The following GAB1 variants were observed in gnomAD, a reference collection of about 807,000 sequenced individuals.
The protein encoded by GAB1 is GRB2-associated-binding protein 1.
Under a neutral mutation model 66.5 loss-of-function variants are expected in GAB1, and 19 were observed. That is an observed-to-expected ratio of 0.29 (90% CI 0.20 to 0.42). GAB1 has a LOEUF of 0.42. Among genes scored for constraint, GAB1 ranks in the 10% least tolerant of loss-of-function variants. The probability of loss-of-function intolerance (pLI) is 1.00; values close to 1 mark genes in which losing one functional copy is unlikely to be tolerated. For synonymous variants in GAB1, 294 were observed against 301.4 expected (o/e 0.98, Z 0.25); for missense variants, 732 against 858.5 (o/e 0.85, Z 1.84).
At chr4:143,439,254 T>A (rs1482049551) in intron 4 of GAB1, among the ~76,000 whole-genome samples, 1 of 152,174 alleles carries the variant, frequency 6.6e-6, no homozygotes, top group Admixed American at 6.5e-5. Context: ...TCTGAGATTC[T>A]CAAAGTCCTA....
At chr4:143,424,195 G>C (rs1248805173) in intron 2 of GAB1, among the ~76,000 whole-genome samples, 1 of 152,160 alleles carries the variant, frequency 6.6e-6, no homozygotes, top group Non-Finnish European at 1.5e-5. Context: ...TTCATATAGG[G>C]AAGTATTTCC....
chr4:143,431,953 G>A (rs185238468), intron 2 of GAB1, among the ~76,000 whole-genome samples: 1,813 of 152,056 alleles, frequency 0.012, 28 homozygotes, highest in African/African-American at 0.042. Context: ...AAAAAAAAAA[G>A]GCCTCGCTTT....
rs1734036178 is a variant in GAB1 at position 143,438,249 on chromosome 4, G to A, written c.844G>A (p.Gly282Arg). 1 of 1,614,104 alleles carries A rather than the reference G, an allele frequency of 6.2e-7. No homozygotes were observed. Among genetic ancestry groups the A allele is most frequent in the Non-Finnish European group, 8.5e-7 (1 of 1,180,002 alleles). The stretch of plus-strand genomic sequence containing the variant: ...GTCTCCATCAAGTACTGAAGCAGAT[G>A]GAGAACTCTATGTTTTTAATACCCC... ...KVSPSSTEAD[G>R]ELYVFNTPSG... The change falls in exon 4 of 10, where the codon GGA becomes AGA. Residue 282 changes from glycine to arginine, a missense_variant. This residue lies in a region of GAB1 where 427 missense variants were observed against 420.6 expected (regional missense o/e 1.02). Transcript: ENST00000262994.
At chr4:143,369,061 C>A (rs1377231901) in intron 1 of GAB1, among the ~76,000 whole-genome samples, 2 of 151,976 alleles carry the variant, frequency 1.3e-5, no homozygotes, top group African/African-American at 2.4e-5. Context: ...AGCCTCAGCC[C>A]CCCGAGTAGC....
chr4:143,349,730 A>G lies in GAB1; in HGVS notation c.72+12470A>G. 2.5e-6 allele frequency: 4 copies of G among 1,585,246 alleles called. 1 individual carries two copies. Among genetic ancestry groups the G allele is most frequent in the Middle Eastern group, 2.0e-4 (1 of 4,984 alleles). On this transcript the variant is annotated intron_variant, in intron 1 of 9. Transcript: ENST00000262994. ...ATGGCGGTGGCCACCTCCTTGGAGC[A>G]CTTAACACCCAGACCGACGTGGCCA...
chr4:143,398,266 A>G (rs1040522927), intron 1 of GAB1, among the ~76,000 whole-genome samples: 3 of 152,220 alleles, frequency 2.0e-5, no homozygotes, highest in Non-Finnish European at 4.4e-5. Context: ...GGGTGTTAAA[A>G]TGGTAATTAA....
intron 1 of GAB1, among the ~76,000 whole-genome samples, chr4:143,411,370 A>G (rs1447327397): frequency 6.6e-6 from 1 of 152,240 alleles, no homozygotes; most frequent in Non-Finnish European, 1.5e-5. Context: ...GCTACAAAAT[A>G]AGTTTTTACA....
chr4:143,339,604 GA>G (rs1728763040), intron 1 of GAB1, among the ~76,000 whole-genome samples: 2 of 152,234 alleles, frequency 1.3e-5, no homozygotes. Context: ...GTGGACTATG[GA>G]TCAGGTGCAC....
chr4:143,366,122 C>T (rs1460175748), intron 1 of GAB1, among the ~76,000 whole-genome samples: 1 of 152,194 alleles, frequency 6.6e-6, no homozygotes, highest in Non-Finnish European at 1.5e-5. Context: ...AGTCAGATTT[C>T]TGTTTAAATC....
In GAB1 at chr4:143,460,484, C is replaced by A. The variant is rs1355915722; in HGVS notation, c.1800C>A (p.Asp600Glu). The change falls in exon 8 of 10, where the codon GAC becomes GAA. Residue 600 changes from aspartate to glutamate, a missense_variant. Asp to Glu is a conservative substitution (Grantham distance 45). This residue lies in a region of GAB1 where 204 missense variants were observed against 276.8 expected (regional missense o/e 0.74). Coordinates refer to ENST00000262994, the MANE Select transcript of GAB1 (RefSeq NM_002039.4). ...TGAACCCAAACCTGTCCAGTGAAGA[C>A]CCAGTATGTAAAGTTTTAACTTTTC... ...VPMNPNLSSEDPNLFGSNSLD... is the reference protein window; with the variant it reads ...VPMNPNLSSEEPNLFGSNSLD... 5 of 1,613,234 alleles carry A rather than the reference C, an allele frequency of 3.1e-6. No individual in the cohort carries two copies. The African/African-American group carries it at 4.0e-5, about 13-fold the overall frequency.
At chr4:143,438,659 G>C in intron 4 of GAB1, 59 bp downstream of exon 4, 2 of 1,527,878 alleles carry the variant, frequency 1.3e-6, no homozygotes, top group South Asian at 2.5e-5. Context: ...CGATTTTTCT[G>C]AATATTTGTT....
chr4:143,421,547 T>C (rs1174949985), intron 2 of GAB1, among the ~76,000 whole-genome samples: 2 of 152,120 alleles, frequency 1.3e-5, no homozygotes, highest in South Asian at 2.1e-4. Flanking sequence ...TACATTCTCA[T>C]CAATGTTTGA....
chr4:143,349,632 G>A (rs1369376740), intron 1 of GAB1: 3 of 1,467,276 alleles, frequency 2.0e-6, no homozygotes. Context: ...TGTGGGGCTT[G>A]CCGATCTTGT....
chr4:143,425,443 C>T, intron 2 of GAB1: 2 of 759,770 alleles, frequency 2.6e-6, no homozygotes, highest in South Asian at 1.3e-5. Flanking sequence ...ACCAGCCTCT[C>T]ATAGAGAGAG....
At chr4:143,370,768 A>T (rs974729922) in intron 1 of GAB1, among the ~76,000 whole-genome samples, 1 of 152,126 alleles carries the variant, frequency 6.6e-6, no homozygotes, top group African/African-American at 2.4e-5. Flanking sequence ...CTCATTGTTC[A>T]GTTCCCACCT....
intron 6 of GAB1, among the ~76,000 whole-genome samples, chr4:143,452,746 C>T (rs944732499): frequency 6.6e-6 from 1 of 152,104 alleles, no homozygotes; most frequent in Admixed American, 6.5e-5. Flanking sequence ...TAGAAATTTC[C>T]CCAGTAGTCA....
chr4:143,470,759 A>G lies in GAB1; in HGVS notation c.*1570A>G, dbSNP rs919848914. The G allele has an allele frequency of 1.3e-5, 2 of 152,240 alleles. No individual in the cohort carries two copies. Among genetic ancestry groups the G allele is most frequent in the African/African-American group, 4.8e-5 (2 of 41,474 alleles). 9.4% of individuals were successfully genotyped at this position (152,240 alleles called of 1,614,324 possible). On this transcript the variant is annotated 3_prime_UTR_variant, in exon 10 of 10. Transcript: ENST00000262994. ...TCAGACCTCTAACTGTTGCCTGAGT[A>G]CACAGATGTGCCCTGATTTCTGGCC...
chr4:143,427,010 G>A (rs946298732), intron 2 of GAB1, among the ~76,000 whole-genome samples: 1 of 152,116 alleles, frequency 6.6e-6, no homozygotes, highest in Non-Finnish European at 1.5e-5. Flanking sequence ...AGACCAGGAA[G>A]GATTAGGAAC....
intron 1 of GAB1, among the ~76,000 whole-genome samples, chr4:143,386,432 G>C (rs1197766549): frequency 6.6e-6 from 1 of 152,064 alleles, no homozygotes; most frequent in East Asian, 1.9e-4. Flanking sequence ...TGTCACCCAG[G>C]CTGGAGTGGC....
Sources: gnomAD v4.1 joint callset for allele counts (sites outside exome capture counted in the v4.1 genomes callset) on GRCh38, gnomAD v4.1.1 for gene constraint, gnomAD v4.1.1 regional missense constraint, MANE v1.5 for transcripts, NCBI Gene and HGNC (gene_info 2026-07-23, HGNC 2026-07-21) for gene names.